Variants in JAKMIP2 observed in about 807,000 individuals in gnomAD.
JAKMIP2 encodes janus kinase and microtubule-interacting protein 2.
JAKMIP2 carries 25 observed loss-of-function variants against 115.0 expected under a neutral mutation model. That is an observed-to-expected ratio of 0.22 (90% confidence interval 0.16 to 0.30). The LOEUF is 0.30. Among genes scored for constraint, JAKMIP2 ranks in the 10% least tolerant of loss-of-function variants. JAKMIP2 has a pLI of 1.00. For missense variants in JAKMIP2, 642 were observed against 957.6 expected (o/e 0.67, Z 4.35); for synonymous variants, 334 against 343.6 (o/e 0.97, Z 0.31).
In JAKMIP2 at chr5:147,671,906, C is replaced by T; in HGVS notation, c.-100G>A. On this transcript the variant is annotated 5_prime_UTR_variant, in exon 2 of 22. Coordinates refer to ENST00000616793, the MANE Select transcript of JAKMIP2 (RefSeq NM_001270941.2). ...CTGGAGTACGATGTCTCAGCATCTA[C>T]TGTGTGGTGCTCCTTGGTAAGGTCT... 7.2e-7 allele frequency: 1 copy of T among 1,380,886 alleles called. No homozygotes were observed. Among genetic ancestry groups the T allele is most frequent in the Non-Finnish European group, 9.5e-7 (1 of 1,057,584 alleles). 85.5% of individuals were successfully genotyped at this position (1,380,886 alleles called of 1,614,324 possible). A position where few individuals can be genotyped will look rare whatever the true frequency, so the allele number is the denominator to read the frequency against.
chr5:147,763,768 G>T (rs1203358805), intron 1 of JAKMIP2, among the ~76,000 whole-genome samples: 2 of 152,058 alleles, frequency 1.3e-5, no homozygotes, highest in Admixed American at 6.6e-5. Flanking sequence ...TTATCTTCGG[G>T]AAGATACCAA....
intron 1 of JAKMIP2, among the ~76,000 whole-genome samples, chr5:147,721,226 G>A (rs1047879388): frequency 4.0e-5 from 6 of 151,682 alleles, no homozygotes; most frequent in Admixed American, 6.6e-5. Flanking sequence ...CCAGCTGCGT[G>A]CTGGGAGAAC....
chr5:147,607,487 T>A lies in JAKMIP2; in HGVS notation c.2412+4819A>T, dbSNP rs544704891. Among the ~76,000 whole-genome samples the A allele has an allele frequency of 8.1e-4, 123 of 152,314 alleles. 1 individual carries two copies. Among genetic ancestry groups the A allele is most frequent in the African/African-American group, 2.8e-3 (117 of 41,576 alleles). ...GTGATGGATTACGTTTATTGATTTA[T>A]GTATGTTGAACCAGGCTTGCATCCC... On this transcript the variant is annotated intron_variant, in intron 20 of 21. Transcript: ENST00000616793.
intron 3 of JAKMIP2, among the ~76,000 whole-genome samples, chr5:147,655,335 C>T (rs1758624134): frequency 6.6e-6 from 1 of 152,010 alleles, no homozygotes; most frequent in Non-Finnish European, 1.5e-5. Context: ...TGGTCCTGGG[C>T]TTTTTTTGTT....
chr5:147,634,578 C>G (rs17106977), intron 12 of JAKMIP2, among the ~76,000 whole-genome samples: 1 of 151,942 alleles, frequency 6.6e-6, no homozygotes, highest in Non-Finnish European at 1.5e-5. Flanking sequence ...TAGTGGTTAA[C>G]GAAACAATTA....
chr5:147,596,888 G>A (rs147123141), intron 21 of JAKMIP2, among the ~76,000 whole-genome samples: 1 of 151,696 alleles, frequency 6.6e-6, no homozygotes, highest in Non-Finnish European at 1.5e-5. Flanking sequence ...TTTTTTGGTG[G>A]GGGGATGGAG....
rs1755008673 is a variant in JAKMIP2, at chr5:147,589,320, A to C, written c.*2387T>G. 1 of 152,028 alleles carries C rather than the reference A, an allele frequency of 6.6e-6. No individual in the cohort carries two copies. The highest frequency in any genetic ancestry group is 1.5e-5 in the Non-Finnish European group (1 of 68,072). The allele number at this position is 152,028 out of a possible 1,614,324, so 9.4% of individuals were successfully genotyped here. On this transcript the variant is annotated 3_prime_UTR_variant, in exon 22 of 22. Transcript: ENST00000616793. ...AAATTAGCCAGGTGTGGTGGTGTGC[A>C]CCTGTAATCCCAGCTACTAGGGAGG...
At chr5:147,695,405 A>G (rs962397871) in intron 1 of JAKMIP2, among the ~76,000 whole-genome samples, 22 of 152,156 alleles carry the variant, frequency 1.4e-4, no homozygotes, top group African/African-American at 4.8e-4. Context: ...TGGACACTGG[A>G]TTAATGGCTT....
At chr5:147,778,036 T>G (rs1249895745) in intron 1 of JAKMIP2, among the ~76,000 whole-genome samples, 2 of 152,090 alleles carry the variant, frequency 1.3e-5, no homozygotes, top group Non-Finnish European at 2.9e-5. Flanking sequence ...GACATATAGG[T>G]AGGAGGTGGC....
At chr5:147,596,511 C>T (rs558091341) in intron 21 of JAKMIP2, among the ~76,000 whole-genome samples, 10 of 152,264 alleles carry the variant, frequency 6.6e-5, no homozygotes, top group Non-Finnish European at 1.0e-4. Flanking sequence ...TTGAAAGATA[C>T]GACAACTCTA....
chr5:147,774,334 A>G (rs1040909301), intron 1 of JAKMIP2, among the ~76,000 whole-genome samples: 1 of 152,150 alleles, frequency 6.6e-6, no homozygotes, highest in African/African-American at 2.4e-5. Context: ...AGGGCCTATA[A>G]TATCTTCAAA....
intron 1 of JAKMIP2, among the ~76,000 whole-genome samples, chr5:147,705,530 A>G (rs1385448576): frequency 6.6e-6 from 1 of 151,960 alleles, no homozygotes; most frequent in Non-Finnish European, 1.5e-5. Flanking sequence ...ACATTACACC[A>G]CTGCACTCCA....
At chr5:147,726,479 G>A (rs1753522252) in intron 1 of JAKMIP2, among the ~76,000 whole-genome samples, 1 of 152,192 alleles carries the variant, frequency 6.6e-6, no homozygotes, top group Non-Finnish European at 1.5e-5. Context: ...GTGCATAACT[G>A]GTTGAATAAA....
At chr5:147,673,947 T>C (rs988597190) in intron 1 of JAKMIP2, among the ~76,000 whole-genome samples, 1 of 152,194 alleles carries the variant, frequency 6.6e-6, no homozygotes, top group Non-Finnish European at 1.5e-5. Context: ...CACAGTTCTA[T>C]ATCCACAGCC....
intron 19 of JAKMIP2, among the ~76,000 whole-genome samples, chr5:147,613,056 C>T (rs1756407862): frequency 6.6e-6 from 1 of 152,280 alleles, no homozygotes; most frequent in Admixed American, 6.5e-5. Flanking sequence ...ACAAACATAA[C>T]ACAAGTAATC....
intron 1 of JAKMIP2, among the ~76,000 whole-genome samples, chr5:147,700,965 G>A (rs935502018): frequency 1.1e-4 from 16 of 152,156 alleles, no homozygotes; most frequent in African/African-American, 2.9e-4. Context: ...CATTTGGTTG[G>A]CATATGTATG....
At chr5:147,657,954 C>T (rs1758762168) in intron 3 of JAKMIP2, among the ~76,000 whole-genome samples, 1 of 151,964 alleles carries the variant, frequency 6.6e-6, no homozygotes, top group Admixed American at 6.5e-5. Context: ...AGAACATGCT[C>T]CTTTAGCTCA....
chr5:147,592,902 C>T (rs1755167467), intron 21 of JAKMIP2, among the ~76,000 whole-genome samples: 1 of 152,092 alleles, frequency 6.6e-6, no homozygotes, highest in Non-Finnish European at 1.5e-5. Context: ...ATTTTGCTCC[C>T]AAGACAAGGT....
chr5:147,694,998 G>A (rs979477173), intron 1 of JAKMIP2, among the ~76,000 whole-genome samples: 9 of 152,100 alleles, frequency 5.9e-5, no homozygotes, highest in African/African-American at 2.2e-4. Flanking sequence ...ACATGCAAGC[G>A]AGCCAATTTG....
Sources: allele counts gnomAD v4.1 joint callset (sites outside exome capture counted in the v4.1 genomes callset), GRCh38; gene constraint gnomAD v4.1.1; transcripts MANE v1.5; gene names NCBI Gene and HGNC (gene_info 2026-07-23, HGNC 2026-07-21).